Variants in MECOM observed in about 807,000 individuals in gnomAD.
MECOM encodes histone-lysine N-methyltransferase MECOM.
In MECOM, 13 loss-of-function variants were observed where a neutral mutation model predicts 116.3. The observed-to-expected ratio is 0.11, with a 90% CI of 0.07 to 0.18. The LOEUF is 0.18. Among genes scored for constraint, MECOM ranks in the 10% least tolerant of loss-of-function variants. The pLI, the probability that MECOM is intolerant of heterozygous loss-of-function variation, is 1.00. For missense variants in MECOM, 1,299 were observed against 1,509.0 expected, an observed-to-expected ratio of 0.86 and a Z score of 2.31; for synonymous variants, 528 against 535.2, an observed-to-expected ratio of 0.99 and a Z score of 0.19.
Position 169,107,881 on chromosome 3 carries a change from T to C in MECOM, c.2604+45A>G, listed in dbSNP as rs1429435714. 4.5e-6 allele frequency: 7 copies of C among 1,554,272 alleles called. No homozygotes were observed. The East Asian group carries it at 1.4e-4, about 30-fold the overall frequency. The stretch of plus-strand genomic sequence containing the variant: ...ATTTAGAATGTAAGCTGTTTTCTTT[T>C]TAATGCTACATCACTTTAGTCAAAA... On this transcript the variant is annotated intron_variant, in intron 10 of 16. Coordinates refer to ENST00000651503, the MANE Select transcript of MECOM (RefSeq NM_004991.4).
intron 1 of MECOM, among the ~76,000 whole-genome samples, chr3:169,589,500 C>A (rs1766152761): frequency 1.3e-5 from 2 of 152,096 alleles, no homozygotes; most frequent in African/African-American, 4.8e-5. Context: ...AAGTCCATGC[C>A]ACCTCTCAGG....
At chr3:169,435,092 G>A (rs1200075251) in intron 1 of MECOM, among the ~76,000 whole-genome samples, 1 of 152,066 alleles carries the variant, frequency 6.6e-6, no homozygotes, top group African/African-American at 2.4e-5. Context: ...ACAACATAGT[G>A]CATTTCTATA....
At chr3:169,483,173 T>C (rs908392034) in intron 1 of MECOM, among the ~76,000 whole-genome samples, 1 of 150,716 alleles carries the variant, frequency 6.6e-6, no homozygotes, top group Non-Finnish European at 1.5e-5. Flanking sequence ...ATACATGGAG[T>C]GAAAAACCAT....
At chr3:169,210,415 C>G (rs1265980719) in intron 2 of MECOM, among the ~76,000 whole-genome samples, 1 of 152,020 alleles carries the variant, frequency 6.6e-6, no homozygotes, top group African/African-American at 2.4e-5. Flanking sequence ...TCTGAAAACA[C>G]GGCGGCATTA....
At chr3:169,368,522 T>A (rs1251083799) in intron 2 of MECOM, among the ~76,000 whole-genome samples, 2 of 152,036 alleles carry the variant, frequency 1.3e-5, no homozygotes, top group Non-Finnish European at 2.9e-5. Context: ...TTGGAACAAA[T>A]TCTCTTCATG....
chr3:169,248,650 G>A (rs1405390161), intron 2 of MECOM, among the ~76,000 whole-genome samples: 1 of 152,120 alleles, frequency 6.6e-6, no homozygotes, highest in Non-Finnish European at 1.5e-5. Context: ...ACCATATTTG[G>A]AGATAGGACC....
intron 1 of MECOM, among the ~76,000 whole-genome samples, chr3:169,410,560 C>A (rs1918967): frequency 0.044 from 6,739 of 152,162 alleles, 460 homozygotes; most frequent in Admixed American, 0.19. Context: ...TTTGTGAAAT[C>A]CAGCATGAGT....
chr3:169,431,898 T>C (rs1377737940), intron 1 of MECOM, among the ~76,000 whole-genome samples: 3 of 152,128 alleles, frequency 2.0e-5, no homozygotes, highest in Non-Finnish European at 4.4e-5. Flanking sequence ...TGCTATCAGG[T>C]ATGGCTGAGT....
chr3:169,160,777 A>G (rs1279053806), intron 2 of MECOM, among the ~76,000 whole-genome samples: 1 of 152,082 alleles, frequency 6.6e-6, no homozygotes, highest in East Asian at 1.9e-4. Flanking sequence ...CTGGATCAAA[A>G]TATCTCATGT....
At chr3:169,468,937 C>A (rs1476493780) in intron 1 of MECOM, among the ~76,000 whole-genome samples, 2 of 152,198 alleles carry the variant, frequency 1.3e-5, no homozygotes, top group Non-Finnish European at 1.5e-5. Context: ...CCATTGTAAT[C>A]ATGGTCTTGG....
At chr3:169,394,844 A>G (rs1385842252) in intron 1 of MECOM, among the ~76,000 whole-genome samples, 1 of 152,178 alleles carries the variant, frequency 6.6e-6, no homozygotes. Context: ...GAATTTTTAA[A>G]TTAACCCTCC....
At position 169,404,233 on chromosome 3, in the gene MECOM, G is replaced by T. The variant is rs77548962; in HGVS notation, c.38-22709C>A. Among the ~76,000 whole-genome samples the T allele has an allele frequency of 4.4e-4, 67 of 152,078 alleles. 1 individual carries two copies. In the East Asian group the frequency reaches 0.013, roughly 29 times the overall value. ...AAATAGTTTGAAAAAAGTTGCTAAGGATATAAGAAATATATAAACTGGAGT... is the reference window on the plus strand; with the variant it reads ...AAATAGTTTGAAAAAAGTTGCTAAGTATATAAGAAATATATAAACTGGAGT... On this transcript the variant is annotated intron_variant, in intron 1 of 16. Transcript: ENST00000651503.
chr3:169,380,043 G>A (rs1002892035), intron 2 of MECOM, among the ~76,000 whole-genome samples: 1 of 152,056 alleles, frequency 6.6e-6, no homozygotes, highest in Non-Finnish European at 1.5e-5. Flanking sequence ...AACAAGAATT[G>A]CTTTTATTAT....
intron 1 of MECOM, among the ~76,000 whole-genome samples, chr3:169,449,395 A>T (rs550804330): frequency 1.3e-5 from 2 of 152,166 alleles, no homozygotes; most frequent in Non-Finnish European, 2.9e-5. Context: ...TATTAGGGCA[A>T]TCACTGAGGT....
intron 2 of MECOM, among the ~76,000 whole-genome samples, chr3:169,365,870 A>G (rs973287057): frequency 6.6e-6 from 1 of 152,038 alleles, no homozygotes; most frequent in Admixed American, 6.6e-5. Context: ...TCTGTGACAA[A>G]GGAAAACTGA....
rs943528023 is a variant in MECOM, at chr3:169,161,852, C to T, written c.376-18020G>A. ...GATGCAGCCTGTAGAAAGGCCTATG[C>T]GGGGAACAATTAGGATGTGCCAGCT... On this transcript the variant is annotated intron_variant, in intron 2 of 16. Coordinates refer to ENST00000651503, the MANE Select transcript of MECOM (RefSeq NM_004991.4). 1.8e-4 allele frequency among the ~76,000 whole-genome samples: 27 copies of T among 152,130 alleles called. 1 individual carries two copies. The highest frequency in any genetic ancestry group is 8.5e-4 in the Admixed American group (13 of 15,268).
rs541028850 is a variant in MECOM, at chr3:169,500,365, C to A, written c.38-118841G>T. 1.8e-4 allele frequency among the ~76,000 whole-genome samples: 27 copies of A among 151,976 alleles called. No individual in the cohort carries two copies. In the East Asian group the frequency reaches 5.0e-3, roughly 28 times the overall value. ...TTTATAACCATCTTTTTAAAAGTTT[C>A]AATCATTAATTGATTATTCAGCTAT... On this transcript the variant is annotated intron_variant, in intron 1 of 16. Transcript: ENST00000651503.
At chr3:169,586,305 T>C (rs553577402) in intron 1 of MECOM, among the ~76,000 whole-genome samples, 86 of 152,380 alleles carry the variant, frequency 5.6e-4, no homozygotes, top group Non-Finnish European at 8.1e-4. Context: ...ATTTCCATCT[T>C]TACTTTTCCC....
chr3:169,302,338 G>C (rs1216718814), intron 2 of MECOM, among the ~76,000 whole-genome samples: 2 of 152,178 alleles, frequency 1.3e-5, no homozygotes, highest in Admixed American at 1.3e-4. Flanking sequence ...GAATGCCGTG[G>C]GGTGGCACAA....
Sources: allele counts gnomAD v4.1 joint callset (sites outside exome capture counted in the v4.1 genomes callset), GRCh38; gene constraint gnomAD v4.1.1; transcripts MANE v1.5; gene names NCBI Gene and HGNC (gene_info 2026-07-23, HGNC 2026-07-21).